Variants in GRAMD4 observed in about 807,000 individuals in gnomAD.
GRAMD4 encodes GRAM domain-containing protein 4.
GRAMD4 carries 25 observed loss-of-function variants against 83.9 expected under a neutral mutation model. The ratio of observed to expected loss-of-function variants is 0.30; its 90% confidence interval spans 0.22 to 0.42. The LOEUF (loss-of-function observed/expected upper bound fraction) is 0.42, where lower values mean the gene tolerates loss of function less well. Among genes scored for constraint, GRAMD4 ranks in the 10% least tolerant of loss-of-function variants. GRAMD4 has a pLI of 1.00. For synonymous variants in GRAMD4, 336 were observed against 320.9 expected (o/e 1.05, Z -0.50); for missense variants, 593 against 788.7 (o/e 0.75, Z 2.97).
At chr22:46,607,821 C>G (rs2081380115) in intron 1 of GRAMD4, among the ~76,000 whole-genome samples, 1 of 152,244 alleles carries the variant, frequency 6.6e-6, no homozygotes, top group Admixed American at 6.5e-5. Flanking sequence ...AAGTGCCCTG[C>G]ATGTGCTGCT....
chr22:46,583,960 C>G lies in GRAMD4; in HGVS notation c.-50+6670C>G, dbSNP rs116232909. 1.7e-3 allele frequency among the ~76,000 whole-genome samples: 261 copies of G among 152,338 alleles called. 1 individual carries two copies. Among genetic ancestry groups the G allele is most frequent in the African/African-American group, 5.9e-3 (246 of 41,570 alleles). ...ATGTGGCCTTCTTCTTCAGGGGGGT[C>G]TGTCTCTTCTCCCCATTTATCAGTT... On this transcript the variant is annotated intron_variant, in intron 1 of 1. Coordinates refer to the GRAMD4 transcript ENST00000431155.
intron 10 of GRAMD4, among the ~76,000 whole-genome samples, chr22:46,667,724 T>C (rs1193355095): frequency 6.6e-6 from 1 of 152,202 alleles, no homozygotes; most frequent in African/African-American, 2.4e-5. Context: ...CAGGAGACCT[T>C]GAGAGGCTCT....
At chr22:46,623,915 G>A (rs2081615285) in intron 1 of GRAMD4, among the ~76,000 whole-genome samples, 1 of 151,764 alleles carries the variant, frequency 6.6e-6, no homozygotes, top group Admixed American at 6.6e-5. Flanking sequence ...CCAAGTAGCT[G>A]GGATTGTAGG....
chr22:46,667,976 C>T (rs1405792059), intron 10 of GRAMD4, 120 bp from the exon 11 acceptor site: 5 of 696,790 alleles, frequency 7.2e-6, no homozygotes, highest in Non-Finnish European at 7.6e-6. Flanking sequence ...TGTCCCATCC[C>T]CCCTGGCTGT....
At chr22:46,576,547 C>T (rs1332065863), upstream of GRAMD4, among the ~76,000 whole-genome samples, 1 of 152,210 alleles carries the variant, frequency 6.6e-6, no homozygotes, top group Non-Finnish European at 1.5e-5. Context: ...GACAGCACCC[C>T]GGGCACCTTG....
At position 46,620,434 on chromosome 22, in the gene GRAMD4, T is replaced by A. The variant is rs535651248; in HGVS notation, c.-181T>A. ...CTCCAGGGCAGCAGACACCACCCTC[T>A]CCGTGCCTGCTGGTGTTGGGCGGCT... On this transcript the variant is annotated 5_prime_UTR_variant, in exon 1 of 19. Coordinates refer to ENST00000406902, the MANE Select transcript of GRAMD4 (RefSeq NM_015124.5). The surrounding 1 kb of genome is among the most constrained non-coding windows in gnomAD (Gnocchi z 4.7). 186 of 985,166 alleles carry A rather than the reference T, an allele frequency of 1.9e-4. No individual in the cohort carries two copies. The highest frequency in any genetic ancestry group is 1.0e-3 in the Middle Eastern group (2 of 1,940). 61.0% of individuals were successfully genotyped at this position (985,166 alleles called of 1,614,324 possible). A position where few individuals can be genotyped will look rare whatever the true frequency, so the allele number is the denominator to read the frequency against.
At chr22:46,586,320 C>T (rs1021295382) in intron 1 of GRAMD4, among the ~76,000 whole-genome samples, 1 of 152,090 alleles carries the variant, frequency 6.6e-6, no homozygotes, top group Middle Eastern at 3.2e-3. Flanking sequence ...GCCCCACTGG[C>T]GCCTCCCTGC....
intron 1 of GRAMD4, among the ~76,000 whole-genome samples, chr22:46,600,598 C>T (rs1046324902): frequency 2.0e-5 from 3 of 152,136 alleles, no homozygotes; most frequent in African/African-American, 7.2e-5. Context: ...CACAGGCAGG[C>T]ATGGAGGAGA....
chr22:46,675,153 G>GCAGAGCAGTGGCCGTGAGTGTCTCACT (rs879495584), intron 16 of GRAMD4, among the ~76,000 whole-genome samples: 2 of 152,026 alleles, frequency 1.3e-5, no homozygotes, highest in South Asian at 2.1e-4. Flanking sequence ...AATGTCTTAT[G>GCAGAGCAGTGGCCGTGAGTGTCTCACT]CAGAGCAGTG....
In GRAMD4 at chr22:46,662,742, G is replaced by A. The variant is rs570820249; in HGVS notation, c.467-298G>A. ...CTGCCCGCTGACGAGAGCCCAGGGC[G>A]GGCAGAGAGCTGGGGACAGGGATGA... is the stretch of plus-strand genomic sequence containing the variant. On this transcript the variant is annotated intron_variant, in intron 5 of 18. Transcript: ENST00000406902. Among the ~76,000 whole-genome samples the A allele has an allele frequency of 7.4e-4, 112 of 152,292 alleles. 2 individuals are homozygous for A. Among genetic ancestry groups the A allele is most frequent in the African/African-American group, 2.6e-3 (106 of 41,556 alleles).
chr22:46,682,324 T>C, downstream of GRAMD4: 2 of 599,546 alleles, frequency 3.3e-6, no homozygotes, highest in South Asian at 1.5e-4. Flanking sequence ...CTAGGGGAAA[T>C]AGCTGGACCA....
chr22:46,678,988 C>T lies in GRAMD4; in HGVS notation c.*1737C>T. 1.0e-6 allele frequency: 1 copy of T among 985,790 alleles called. No homozygotes were observed. The highest frequency in any genetic ancestry group is 1.2e-6 in the Non-Finnish European group (1 of 830,014). 61.1% of individuals were successfully genotyped at this position (985,790 alleles called of 1,614,324 possible). On this transcript the variant is annotated 3_prime_UTR_variant, in exon 19 of 19. Coordinates refer to ENST00000406902, the MANE Select transcript of GRAMD4 (RefSeq NM_015124.5). Reference sequence around the variant, plus strand: ...ACAGAACCCGCTCTGAGCCGTGGGTCTGGCTCCTGTAGGGGACTGGCTCTC... The same window carrying T: ...ACAGAACCCGCTCTGAGCCGTGGGTTTGGCTCCTGTAGGGGACTGGCTCTC...
At position 46,677,193 on chromosome 22, in the gene GRAMD4, C is replaced by G; in HGVS notation, c.1679C>G (p.Thr560Ser). The change falls in exon 19 of 19, where the codon ACC (threonine) becomes AGC (serine). Residue 560 changes from threonine (T) to serine (S), a missense_variant. Coordinates refer to ENST00000406902, the MANE Select transcript of GRAMD4 (RefSeq NM_015124.5). ...AMVHRDEAFETILSQYIKITS... is the reference protein window; with the variant it reads ...AMVHRDEAFESILSQYIKITS... Reference sequence around the variant, plus strand: ...GTGCACAGGGATGAGGCCTTCGAGACCATTCTCAGCCAGTACATCAAGATC... The same window carrying G: ...GTGCACAGGGATGAGGCCTTCGAGAGCATTCTCAGCCAGTACATCAAGATC... 1.2e-6 allele frequency: 2 copies of G among 1,613,794 alleles called. No homozygotes were observed. The highest frequency in any genetic ancestry group is 1.7e-6 in the Non-Finnish European group (2 of 1,179,932).
At chr22:46,654,192 A>G (rs1245990573) in intron 3 of GRAMD4, among the ~76,000 whole-genome samples, 1 of 152,138 alleles carries the variant, frequency 6.6e-6, no homozygotes. Flanking sequence ...GGCAGCATCC[A>G]TCTCAGGTGG....
Position 46,658,161 on chromosome 22 carries a change from T to C in GRAMD4, c.284-26T>C, listed in dbSNP as rs61739647. On this transcript the variant is annotated intron_variant, in intron 3 of 18. Coordinates refer to ENST00000406902, the MANE Select transcript of GRAMD4 (RefSeq NM_015124.5). ...GGGGTCGCGTGGACATGAGCGATGG[T>C]CACCTGGCCGTTCTCTCCCCCATAG... 6,564 of 1,613,114 alleles carry C rather than the reference T, an allele frequency of 4.1e-3. 236 individuals carry two copies. In the African/African-American group the frequency reaches 0.077, roughly 19 times the overall value.
intron 13 of GRAMD4, among the ~76,000 whole-genome samples, chr22:46,669,716 C>T (rs1417193696): frequency 6.6e-6 from 1 of 152,008 alleles, no homozygotes; most frequent in African/African-American, 2.4e-5. Context: ...GCTGGGACTA[C>T]AGGCACCCGC....
At chr22:46,587,830 G>T in intron 1 of GRAMD4, 1 of 841,602 alleles carries the variant, frequency 1.2e-6, no homozygotes, top group Non-Finnish European at 1.4e-6. Flanking sequence ...ATGTTTGGTG[G>T]AGAGGAAGTG....
intron 17 of GRAMD4, 107 bp from the exon 18 acceptor site, chr22:46,676,493 C>T: frequency 1.1e-6 from 1 of 950,532 alleles, no homozygotes; most frequent in Non-Finnish European, 1.6e-6. Flanking sequence ...GCCCGTGGGC[C>T]CTGCTGCCTG....
chr22:46,673,071 C>T (rs982613146), intron 14 of GRAMD4, 74 bp downstream of exon 14: 1 of 1,170,520 alleles, frequency 8.5e-7, no homozygotes, highest in Non-Finnish European at 1.2e-6. Flanking sequence ...GCCCACAGTG[C>T]TCTGTTCACC....
Sources: allele counts gnomAD v4.1 joint callset (sites outside exome capture counted in the v4.1 genomes callset), GRCh38; gene constraint gnomAD v4.1.1; non-coding constraint Gnocchi (gnomAD v3.1); transcripts MANE v1.5; gene names NCBI Gene and HGNC (gene_info 2026-07-23, HGNC 2026-07-21).